Variants in FOXP1 observed in about 807,000 individuals in gnomAD.
The protein encoded by FOXP1 is forkhead box P1.
FOXP1 carries 15 observed loss-of-function variants against 98.2 expected under a neutral mutation model. The observed-to-expected ratio is 0.15, with a 90% confidence interval of 0.10 to 0.24. FOXP1 has a LOEUF of 0.24. FOXP1 is among the 10% of genes least tolerant of loss of function. The pLI is 1.00. For synonymous variants in FOXP1, 371 were observed against 314.5 expected (o/e 1.18, Z -1.90); for missense variants, 633 against 848.5 (o/e 0.75, Z 3.15).
chr3:71,023,224 CTCTT>C (rs2045666065), intron 11 of FOXP1, among the ~76,000 whole-genome samples: 1 of 152,188 alleles, frequency 6.6e-6, no homozygotes, highest in Non-Finnish European at 1.5e-5. Flanking sequence ...TTCCATGTCT[CTCTT>C]TGTCTGTTAT....
intron 12 of FOXP1, 61 bp downstream of exon 12, chr3:71,015,488 G>A (rs2044326049): frequency 1.7e-6 from 2 of 1,161,428 alleles, no homozygotes; most frequent in African/African-American, 1.5e-5. Flanking sequence ...TATGAGCAAA[G>A]CATGAACGGT....
chr3:71,552,928 T>C (rs1390333299), intron 2 of FOXP1, among the ~76,000 whole-genome samples: 7 of 152,050 alleles, frequency 4.6e-5, no homozygotes, highest in Non-Finnish European at 8.8e-5. Context: ...TACTTGTCTC[T>C]TACCACATCA....
chr3:71,330,781 C>T (rs1281729880), intron 4 of FOXP1, among the ~76,000 whole-genome samples: 1 of 152,208 alleles, frequency 6.6e-6, no homozygotes, highest in Non-Finnish European at 1.5e-5. Flanking sequence ...TCAGGTAGAA[C>T]TTATATTACA....
intron 17 of FOXP1, among the ~76,000 whole-genome samples, chr3:70,975,030 T>TAAGA (rs1314816336): frequency 1.3e-5 from 2 of 152,212 alleles, no homozygotes; most frequent in East Asian, 1.9e-4. Context: ...ATCTTTTGTC[T>TAAGA]AAGATCATGG....
At chr3:71,376,602 G>A (rs1459786032) in intron 3 of FOXP1, among the ~76,000 whole-genome samples, 1 of 152,192 alleles carries the variant, frequency 6.6e-6, no homozygotes, top group Non-Finnish European at 1.5e-5. Context: ...AATAGCGTAA[G>A]AAGCCAATTA....
intron 7 of FOXP1, among the ~76,000 whole-genome samples, chr3:71,059,439 T>C (rs2051162353): frequency 2.0e-5 from 3 of 152,198 alleles, no homozygotes; most frequent in Admixed American, 6.5e-5. Flanking sequence ...ATAATTGTTT[T>C]AGCTCTAATA....
intron 7 of FOXP1, among the ~76,000 whole-genome samples, chr3:71,095,710 T>TA (rs1225949967): frequency 6.6e-6 from 1 of 152,190 alleles, no homozygotes; most frequent in African/African-American, 2.4e-5. Context: ...TTTCAACACT[T>TA]ACCTGAAAGG....
At chr3:71,517,102 T>C (rs763895648) in intron 2 of FOXP1, among the ~76,000 whole-genome samples, 4 of 152,152 alleles carry the variant, frequency 2.6e-5, no homozygotes, top group Non-Finnish European at 5.9e-5. Context: ...ACCCATACTT[T>C]AATACAAAGT....
intron 20 of FOXP1, among the ~76,000 whole-genome samples, chr3:70,965,246 T>C (rs2034502819): frequency 1.3e-5 from 2 of 152,242 alleles, no homozygotes; most frequent in African/African-American, 2.4e-5. Flanking sequence ...CACAGTCTCC[T>C]GGCCTCCGCC....
intron 3 of FOXP1, among the ~76,000 whole-genome samples, chr3:71,402,591 G>A (rs940103402): frequency 3.9e-5 from 6 of 152,108 alleles, no homozygotes; most frequent in East Asian, 1.9e-4. Flanking sequence ...TTTCAAAATC[G>A]TGCCTGAATA....
At chr3:71,134,989 T>A (rs141377579) in intron 6 of FOXP1, among the ~76,000 whole-genome samples, 1 of 152,194 alleles carries the variant, frequency 6.6e-6, no homozygotes, top group East Asian at 1.9e-4. Flanking sequence ...CCAGGCACGG[T>A]GGCTCACGCC....
intron 5 of FOXP1, among the ~76,000 whole-genome samples, chr3:71,223,792 G>A (rs1560142407): frequency 6.6e-6 from 1 of 151,988 alleles, no homozygotes; most frequent in Admixed American, 6.6e-5. Context: ...CAATATGATA[G>A]TGACCAGATG....
intron 3 of FOXP1, among the ~76,000 whole-genome samples, chr3:71,418,837 C>G (rs745442246): frequency 2.0e-5 from 3 of 151,550 alleles, no homozygotes; most frequent in Non-Finnish European, 2.9e-5. Context: ...ACGAAAGCAT[C>G]TGCCAGGCAT....
At chr3:71,313,777 G>A (rs907922486) in intron 4 of FOXP1, among the ~76,000 whole-genome samples, 23 of 150,166 alleles carry the variant, frequency 1.5e-4, no homozygotes, top group Non-Finnish European at 2.4e-4. Flanking sequence ...CGCCCACCTC[G>A]GCCTCCCAAA....
intron 3 of FOXP1, among the ~76,000 whole-genome samples, chr3:71,388,951 A>C (rs2080812298): frequency 6.6e-6 from 1 of 152,084 alleles, no homozygotes; most frequent in Non-Finnish European, 1.5e-5. Context: ...TTATTTTCTG[A>C]GAAATCGAGA....
chr3:71,056,622 C>T (rs953652941), intron 7 of FOXP1, among the ~76,000 whole-genome samples: 2 of 152,140 alleles, frequency 1.3e-5, no homozygotes, highest in African/African-American at 2.4e-5. Flanking sequence ...GCCTTAACTT[C>T]GCTTTTACTA....
intron 6 of FOXP1, among the ~76,000 whole-genome samples, chr3:71,120,142 G>T (rs368869315): frequency 6.6e-6 from 1 of 152,156 alleles, no homozygotes; most frequent in South Asian, 2.1e-4. Flanking sequence ...AAACTTACAG[G>T]GGGTAATGAC....
chr3:71,332,720 AG>A, intron 4 of FOXP1: 1 of 152,450 alleles, frequency 6.6e-6, no homozygotes, highest in Non-Finnish European at 1.5e-5. Flanking sequence ...CCTGGGCAAC[AG>A]GGCAAGACTC....
At chr3:71,378,457 A>T (rs1577208745) in intron 3 of FOXP1, among the ~76,000 whole-genome samples, 2 of 152,152 alleles carry the variant, frequency 1.3e-5, no homozygotes, top group African/African-American at 4.8e-5. Context: ...GAGCAGCGTG[A>T]GGACATTTCT....
Sources: allele counts gnomAD v4.1 joint callset (sites outside exome capture counted in the v4.1 genomes callset), GRCh38; gene constraint gnomAD v4.1.1; transcripts MANE v1.5; gene names NCBI Gene and HGNC (gene_info 2026-07-23, HGNC 2026-07-21).